Variants in MFN1 observed in about 807,000 individuals in gnomAD.
The protein encoded by MFN1 is mitofusin-1.
Under a neutral mutation model 92.4 loss-of-function variants are expected in MFN1, and 65 were observed. That is an observed-to-expected ratio of 0.70 (90% confidence interval 0.58 to 0.86). The LOEUF is 0.86. Among genes scored for constraint, MFN1 ranks in the 40% least tolerant of loss-of-function variants. The pLI is 0.00. For synonymous variants in MFN1, 297 were observed against 300.9 expected (o/e 0.99, Z 0.13); for missense variants, 781 against 868.0 (o/e 0.90, Z 1.26).
intron 8 of MFN1, among the ~76,000 whole-genome samples, chr3:179,367,820 G>T (rs551153984): frequency 3.3e-5 from 5 of 151,684 alleles, no homozygotes; most frequent in Non-Finnish European, 7.4e-5. Context: ...CTTCTTGGGG[G>T]GCTGAGGCCA....
chr3:179,384,527 A>G (rs1713597138), intron 14 of MFN1, among the ~76,000 whole-genome samples: 1 of 152,156 alleles, frequency 6.6e-6, no homozygotes, highest in Non-Finnish European at 1.5e-5. Context: ...ATTTCTTTGC[A>G]TATTCTGGAT....
chr3:179,373,244 A>G (rs1396761633), intron 9 of MFN1, among the ~76,000 whole-genome samples: 1 of 147,258 alleles, frequency 6.8e-6, no homozygotes, highest in Non-Finnish European at 1.5e-5. Flanking sequence ...AAATGGCAGT[A>G]GAGATTATAG....
In MFN1 at chr3:179,364,315, T is replaced by G; in HGVS notation, c.555T>G (p.Thr185=). 1 of 1,613,366 alleles carries G rather than the reference T, an allele frequency of 6.2e-7. No homozygotes were observed. Among genetic ancestry groups the G allele is most frequent in the South Asian group, 1.1e-5 (1 of 90,984 alleles). Residue 185 remains threonine (T), a synonymous_variant, in exon 6 of 18, where the codon ACT becomes ACG. Transcript: ENST00000471841. ...VLVDSPGTDV[T]TELDSWIDKF... is the part of the protein sequence containing the mutation. ...TCATTAGTCCAGGCACAGATGTCAC[T>G]ACAGAGCTGGATAGCTGGATTGATA...
chr3:179,375,251 A>C lies in MFN1; in HGVS notation c.1007A>C (p.Lys336Thr). The change falls in exon 10 of 18, where the codon AAG becomes ACG. Residue 336 changes from lysine (K) to threonine (T), a missense_variant. Transcript: ENST00000471841. ...ECISQSAVKT[K>T]FEQHTIRAKQ... is the part of the protein sequence containing the mutation. ...ATCTCGCAGTCAGCAGTGAAAACAA[A>C]GTTCGAACAGCACACTATCAGAGCT... 1 of 1,613,884 alleles carries C rather than the reference A, an allele frequency of 6.2e-7. No homozygotes were observed. The highest frequency in any genetic ancestry group is 2.2e-5 in the East Asian group (1 of 44,856).
At chr3:179,374,316 A>G (rs555968458) in intron 9 of MFN1, among the ~76,000 whole-genome samples, 1 of 67,798 alleles carries the variant, frequency 1.5e-5, no homozygotes, top group South Asian at 4.1e-4. Context: ...TATATATAAC[A>G]TATATAACAT....
At chr3:179,369,184 T>G (rs773558687) in intron 9 of MFN1, among the ~76,000 whole-genome samples, 1 of 151,588 alleles carries the variant, frequency 6.6e-6, no homozygotes, top group Non-Finnish European at 1.5e-5. Flanking sequence ...TTCCTTTTGC[T>G]TTCACCAAAG....
intron 12 of MFN1, among the ~76,000 whole-genome samples, chr3:179,377,818 A>G (rs1713302586): frequency 6.6e-6 from 1 of 152,100 alleles, no homozygotes; most frequent in Non-Finnish European, 1.5e-5. Flanking sequence ...TAATCCCAGC[A>G]CTTTGGGAGG....
intron 16 of MFN1, 92 bp downstream of exon 16, chr3:179,386,721 G>C (rs1321597700): frequency 8.6e-7 from 1 of 1,159,102 alleles, no homozygotes; most frequent in Non-Finnish European, 1.2e-6. Flanking sequence ...ATTGCTCAAA[G>C]AATTATCACA....
In MFN1 at chr3:179,365,229, AGTT is replaced by A. The variant is rs774256898; in HGVS notation, c.753+8_753+10del. ...AGAGCCAGAATATATGGAAGACGTA[AGTT>A]GTTATTTTTTTTTTTGTAGGTTTTG... is the stretch of plus-strand genomic sequence containing the variant. On this transcript the variant is annotated splice_donor_5th_base_variant and intron_variant, in intron 7 of 17. Coordinates refer to ENST00000471841, the MANE Select transcript of MFN1 (RefSeq NM_033540.3). 4 of 1,508,082 alleles carry A rather than the reference AGTT, an allele frequency of 2.7e-6. No individual in the cohort carries two copies. The highest frequency in any genetic ancestry group is 2.9e-5 in the African/African-American group (2 of 68,810). The allele number at this position is 1,508,082 out of a possible 1,614,324, so 93.4% of individuals were successfully genotyped here.
intron 2 of MFN1, among the ~76,000 whole-genome samples, chr3:179,349,826 T>C (rs1712072386): frequency 1.3e-5 from 2 of 151,494 alleles, no homozygotes; most frequent in Non-Finnish European, 2.9e-5. Flanking sequence ...TCTTTGGAGA[T>C]AACTGTTGAA....
chr3:179,368,704 A>G (rs1712900563), intron 9 of MFN1, among the ~76,000 whole-genome samples: 3 of 152,190 alleles, frequency 2.0e-5, no homozygotes, highest in African/African-American at 7.2e-5. Context: ...CTAGTTTCTT[A>G]TGTTGCATTG....
intron 4 of MFN1, 26 bp from the exon 5 acceptor site, chr3:179,362,332 A>ATT: frequency 6.4e-7 from 1 of 1,552,408 alleles, no homozygotes; most frequent in Non-Finnish European, 8.7e-7. Context: ...AGTGGAGTTT[A>ATT]TTTTTTTCTT....
At position 179,378,629 on chromosome 3, in the gene MFN1, C is replaced by T. The variant is rs779363347; in HGVS notation, c.1477C>T (p.His493Tyr). The T allele has an allele frequency of 3.1e-6, 5 of 1,613,502 alleles. No individual in the cohort carries two copies. The South Asian group carries it at 3.3e-5, about 11-fold the overall frequency. The change falls in exon 14 of 18, where the codon CAT becomes TAT. Residue 493 changes from histidine to tyrosine, a missense_variant. His to Tyr is a moderately conservative substitution (Grantham distance 83). Coordinates refer to ENST00000471841, the MANE Select transcript of MFN1 (RefSeq NM_033540.3). The part of the protein sequence containing the change: ...LLPAGIQDKL[H>Y]TLIPCKKFDL... ...TCCAGCTGGTATACAGGATAAACTA[C>T]ATACACTGATCCCTTGCAAGAAATT...
At chr3:179,367,687 G>T in intron 8 of MFN1, 95 bp downstream of exon 8, 1 of 1,078,826 alleles carries the variant, frequency 9.3e-7, no homozygotes. Context: ...CACTTTGGAA[G>T]GCTGAGGCGG....
intron 10 of MFN1, among the ~76,000 whole-genome samples, chr3:179,376,251 T>C (rs1337502934): frequency 6.6e-6 from 1 of 152,214 alleles, no homozygotes; most frequent in African/African-American, 2.4e-5. Context: ...ACTCAGCCCC[T>C]GTGTACAGCC....
At chr3:179,369,848 G>A (rs1014515923) in intron 9 of MFN1, among the ~76,000 whole-genome samples, 1 of 152,134 alleles carries the variant, frequency 6.6e-6, no homozygotes, top group African/African-American at 2.4e-5. Flanking sequence ...TATTCTAATG[G>A]TCCATTTGGG....
intron 4 of MFN1, among the ~76,000 whole-genome samples, chr3:179,361,970 TAAAAGCTA>T (rs375416375): frequency 2.0e-5 from 3 of 152,362 alleles, no homozygotes; most frequent in African/African-American, 7.2e-5. Flanking sequence ...TATGGGGTGT[TAAAAGCTA>T]TGTAATTTTA....
chr3:179,389,425 A>G (rs1304494932), intron 16 of MFN1, among the ~76,000 whole-genome samples: 1 of 152,162 alleles, frequency 6.6e-6, no homozygotes, highest in Admixed American at 6.5e-5. Flanking sequence ...AATGGAGGCA[A>G]CCTCAAATAA....
chr3:179,386,802 TCTCC>T (rs1713703794), intron 16 of MFN1, among the ~76,000 whole-genome samples, 173 bp downstream of exon 16: 3 of 152,226 alleles, frequency 2.0e-5, no homozygotes, highest in African/African-American at 7.2e-5. Flanking sequence ...TGCTGCCCTT[TCTCC>T]CTCCTAATCA....
Sources: gnomAD v4.1 joint callset for allele counts (sites outside exome capture counted in the v4.1 genomes callset) on GRCh38, gnomAD v4.1.1 for gene constraint, MANE v1.5 for transcripts, NCBI Gene and HGNC (gene_info 2026-07-23, HGNC 2026-07-21) for gene names.